Variants in COMMD10 observed in about 807,000 individuals in gnomAD.
COMMD10 encodes the protein COMM domain containing 10.
In COMMD10, 33 loss-of-function variants were observed where a neutral mutation model predicts 28.9. The observed-to-expected ratio is 1.14, with a 90% CI of 0.87 to 1.53. The LOEUF is 1.53. COMMD10 is among the 40% of genes most tolerant of loss of function. The probability of loss-of-function intolerance (pLI) is 0.00; values close to 1 mark genes in which losing one functional copy is unlikely to be tolerated. For missense variants in COMMD10, 310 were observed against 233.4 expected, an observed-to-expected ratio of 1.33 and a Z score of -2.14; for synonymous variants, 110 against 81.7, an observed-to-expected ratio of 1.35 and a Z score of -1.87.
chr5:116,259,113 G>A lies in COMMD10; in HGVS notation c.511-32404G>A, dbSNP rs192481614. 3.1e-4 allele frequency among the ~76,000 whole-genome samples: 46 copies of A among 146,598 alleles called. 1 individual carries two copies. In the East Asian group the frequency reaches 9.0e-3, roughly 29 times the overall value. On this transcript the variant is annotated intron_variant, in intron 5 of 6. Coordinates refer to ENST00000274458, the MANE Select transcript of COMMD10 (RefSeq NM_016144.4). ...AGTCTCGCTTTCTCACCCAGGCTGGGATGCAGTGATGCAATCTTGGCTCAC... is the reference window on the plus strand; with the variant it reads ...AGTCTCGCTTTCTCACCCAGGCTGGAATGCAGTGATGCAATCTTGGCTCAC...
chr5:116,248,924 T>C (rs925315442), intron 5 of COMMD10, among the ~76,000 whole-genome samples: 4 of 151,996 alleles, frequency 2.6e-5, no homozygotes, highest in Admixed American at 2.6e-4. Context: ...GACATCTTGT[T>C]TGAACATCTT....
At chr5:116,134,547 G>T (rs1338028529) in intron 5 of COMMD10, among the ~76,000 whole-genome samples, 3 of 152,178 alleles carry the variant, frequency 2.0e-5, no homozygotes, top group African/African-American at 7.2e-5. Context: ...ATATGATGGT[G>T]ACCTGAATTG....
chr5:116,176,282 T>G (rs4921071), intron 5 of COMMD10, among the ~76,000 whole-genome samples: 16,478 of 152,158 alleles, frequency 0.11, 1,325 homozygotes, highest in African/African-American at 0.22. Context: ...TAGCTGATTG[T>G]TTTTCTATTT....
chr5:116,101,103 A>G (rs1036725658), intron 4 of COMMD10, among the ~76,000 whole-genome samples: 1 of 152,154 alleles, frequency 6.6e-6, no homozygotes, highest in Non-Finnish European at 1.5e-5. Context: ...ATAGTGTTCC[A>G]TTGTCTATAT....
chr5:116,202,489 T>G (rs946327759), intron 5 of COMMD10, among the ~76,000 whole-genome samples: 15 of 151,518 alleles, frequency 9.9e-5, no homozygotes, highest in Middle Eastern at 3.2e-3. Flanking sequence ...TGAACTAGTT[T>G]ACAGTCCCAC....
chr5:116,102,685 G>A (rs1443534269), intron 4 of COMMD10, among the ~76,000 whole-genome samples: 1 of 152,092 alleles, frequency 6.6e-6, no homozygotes, highest in Non-Finnish European at 1.5e-5. Context: ...TTATTATTAT[G>A]TTTTAAGTTC....
At chr5:116,099,175 A>G (rs113107138) in intron 4 of COMMD10, among the ~76,000 whole-genome samples, 135 of 152,324 alleles carry the variant, frequency 8.9e-4, no homozygotes, top group African/African-American at 3.1e-3. Flanking sequence ...TCTCTGCTTC[A>G]GTGAGTTAAA....
Position 116,258,261 on chromosome 5 carries a change from A to G in COMMD10, c.511-33256A>G, listed in dbSNP as rs534530104. On this transcript the variant is annotated intron_variant, in intron 5 of 6. Transcript: ENST00000274458. The stretch of plus-strand genomic sequence containing the variant: ...TGTCTTAGAATTTTGTAGTATATCT[A>G]TTCCTCCCCTAGATAAGATCTGTAG... Among the ~76,000 whole-genome samples, 21 of 151,836 alleles carry G rather than the reference A, an allele frequency of 1.4e-4. No homozygotes were observed. The South Asian group carries it at 3.7e-3, about 27-fold the overall frequency.
intron 5 of COMMD10, among the ~76,000 whole-genome samples, chr5:116,243,250 C>G (rs1006061769): frequency 6.6e-6 from 1 of 152,120 alleles, no homozygotes; most frequent in Non-Finnish European, 1.5e-5. Context: ...CACCAGACTA[C>G]AGTTACAAGA....
At chr5:116,254,453 C>T (rs1260876411) in intron 5 of COMMD10, among the ~76,000 whole-genome samples, 1 of 151,168 alleles carries the variant, frequency 6.6e-6, no homozygotes, top group Non-Finnish European at 1.5e-5. Context: ...AAATTTCCCT[C>T]TACACACTGC....
At chr5:116,153,799 A>G (rs548004493) in intron 5 of COMMD10, among the ~76,000 whole-genome samples, 2 of 152,236 alleles carry the variant, frequency 1.3e-5, no homozygotes, top group African/African-American at 4.8e-5. Flanking sequence ...TTTGATAGCC[A>G]TGAAACCCTC....
rs141566051 is a variant in COMMD10 at position 116,173,766 on chromosome 5, C to T, written c.510+39588C>T. 7.8e-3 allele frequency among the ~76,000 whole-genome samples: 1,186 copies of T among 151,978 alleles called. 16 individuals carry two copies. The highest frequency in any genetic ancestry group is 0.012 in the Non-Finnish European group (815 of 67,948). On this transcript the variant is annotated intron_variant, in intron 5 of 6. Transcript: ENST00000274458. ...AATTGCACATACTAACTGCAGAAGC[C>T]AAAGCATTGGGTATCACCTTCCTTG...
At chr5:116,174,127 T>A (rs1428963655) in intron 5 of COMMD10, among the ~76,000 whole-genome samples, 1 of 148,710 alleles carries the variant, frequency 6.7e-6, no homozygotes, top group Non-Finnish European at 1.5e-5. Context: ...GCAATAACGG[T>A]ACTATTTTAG....
intron 5 of COMMD10, among the ~76,000 whole-genome samples, chr5:116,204,992 C>T (rs567603288): frequency 5.5e-4 from 83 of 152,130 alleles, no homozygotes; most frequent in Non-Finnish European, 1.0e-3. Context: ...GTTAAAGGTG[C>T]ATGATAAAAC....
At chr5:116,149,738 T>G (rs1459934810) in intron 5 of COMMD10, among the ~76,000 whole-genome samples, 5 of 145,888 alleles carry the variant, frequency 3.4e-5, no homozygotes, top group African/African-American at 5.0e-5. Flanking sequence ...TTGAGTTCAT[T>G]GTAGATTCTG....
intron 4 of COMMD10, among the ~76,000 whole-genome samples, chr5:116,102,557 A>G (rs1348944554): frequency 6.6e-6 from 1 of 152,146 alleles, no homozygotes; most frequent in African/African-American, 2.4e-5. Context: ...TTGCTTCCAT[A>G]TGAATTTTAG....
chr5:116,261,806 T>A (rs1394629164), intron 5 of COMMD10, among the ~76,000 whole-genome samples: 1 of 151,786 alleles, frequency 6.6e-6, no homozygotes, highest in East Asian at 1.9e-4. Context: ...CCTGTCTCTG[T>A]TCTCTGTCTC....
intron 5 of COMMD10, among the ~76,000 whole-genome samples, chr5:116,182,303 A>T (rs1747993618): frequency 7.4e-6 from 1 of 135,046 alleles, no homozygotes; most frequent in South Asian, 2.1e-4. Context: ...GATGGAAGGC[A>T]GGGAGGGAGG....
intron 5 of COMMD10, among the ~76,000 whole-genome samples, chr5:116,282,364 C>T (rs1751093625): frequency 6.6e-6 from 1 of 151,904 alleles, no homozygotes; most frequent in African/African-American, 2.4e-5. Flanking sequence ...GGAGAAACTC[C>T]AAACTGGTTT....
Sources: allele counts gnomAD v4.1 joint callset (sites outside exome capture counted in the v4.1 genomes callset), GRCh38; gene constraint gnomAD v4.1.1; transcripts MANE v1.5; gene names NCBI Gene and HGNC (gene_info 2026-07-23, HGNC 2026-07-21).